The following HOMER2 variants were observed in gnomAD, a reference collection of about 807,000 sequenced individuals.
HOMER2 encodes the protein homer protein homolog 2.
A neutral mutation model predicts 47.0 loss-of-function variants in HOMER2; 27 were observed. That is an observed-to-expected ratio of 0.57 (90% CI 0.42 to 0.79). The LOEUF is 0.79. Among genes scored for constraint, HOMER2 ranks in the 30% least tolerant of loss-of-function variants. HOMER2 has a pLI of 0.00. For synonymous variants in HOMER2, 161 were observed against 163.8 expected (o/e 0.98, Z 0.13); for missense variants, 443 against 435.0 (o/e 1.02, Z -0.16).
At chr15:82,950,254 C>G (rs572318484) in intron 1 of HOMER2, among the ~76,000 whole-genome samples, 5 of 152,272 alleles carry the variant, frequency 3.3e-5, no homozygotes, top group African/African-American at 1.2e-4. Context: ...CACAAACTCA[C>G]TGGAGAGGCC....
exon 2 of HOMER2, chr15:82,843,406 T>G (rs2051196733): frequency 8.6e-6 from 1 of 116,314 alleles, no homozygotes; most frequent in Non-Finnish European, 1.6e-5. Context: ...ATCACGCCAC[T>G]GCACTCCAGC....
intron 1 of HOMER2, among the ~76,000 whole-genome samples, chr15:82,894,636 ACTC>A (rs2052843222): frequency 6.9e-6 from 1 of 145,426 alleles, no homozygotes; most frequent in African/African-American, 2.6e-5. Context: ...ACACCACTGC[ACTC>A]CAGCCTGGGC....
At chr15:82,858,674 TCACA>T (rs143184946) in intron 5 of HOMER2, among the ~76,000 whole-genome samples, 4 of 150,208 alleles carry the variant, frequency 2.7e-5, no homozygotes, top group African/African-American at 4.9e-5. Context: ...AGGGGTGCAT[TCACA>T]CACACACACA....
At chr15:82,843,948 T>C (rs536195847) in exon 2 of HOMER2, 1 of 152,202 alleles carries the variant, frequency 6.6e-6, no homozygotes, top group African/African-American at 2.4e-5. Context: ...TTTTTATTCA[T>C]GCTACCCGTC....
chr15:82,835,852 A>C (rs1025251862), downstream of HOMER2: 1 of 152,270 alleles, frequency 6.6e-6, no homozygotes, highest in African/African-American at 2.4e-5. Flanking sequence ...CTCAGCATCA[A>C]ACTTCCTAGG....
At chr15:82,911,643 TG>T (rs1211725185) in intron 1 of HOMER2, among the ~76,000 whole-genome samples, 1 of 152,236 alleles carries the variant, frequency 6.6e-6, no homozygotes, top group Non-Finnish European at 1.5e-5. Context: ...AATGGCTATA[TG>T]TGTGTGTTCC....
intron 1 of HOMER2, among the ~76,000 whole-genome samples, chr15:82,975,944 C>T (rs563471215): frequency 1.2e-4 from 18 of 151,980 alleles, no homozygotes; most frequent in Admixed American, 5.9e-4. Context: ...CATTGTGTGC[C>T]GGTATCAAAG....
intron 1 of HOMER2, among the ~76,000 whole-genome samples, chr15:82,963,012 G>T (rs1188631621): frequency 6.6e-6 from 1 of 152,156 alleles, no homozygotes. Flanking sequence ...GGGCACAGTA[G>T]CTCACACCTG....
chr15:82,855,325 C>CAAAAAA (rs1162254209), intron 5 of HOMER2, among the ~76,000 whole-genome samples: 670 of 61,468 alleles, frequency 0.011, 39 homozygotes, highest in African/African-American at 0.024. Context: ...ACTCCATCTC[C>CAAAAAA]AAAAAAAAAA....
At chr15:82,971,024 G>C (rs192926904) in intron 1 of HOMER2, among the ~76,000 whole-genome samples, 1 of 152,312 alleles carries the variant, frequency 6.6e-6, no homozygotes, top group East Asian at 1.9e-4. Flanking sequence ...CCAGACATAA[G>C]GAAGGGACTC....
chr15:82,928,654 G>C (rs1486224323), intron 1 of HOMER2, among the ~76,000 whole-genome samples: 1 of 152,002 alleles, frequency 6.6e-6, no homozygotes, highest in Non-Finnish European at 1.5e-5. Flanking sequence ...TTAATGGGTA[G>C]ACTTGCTCCA....
intron 1 of HOMER2, among the ~76,000 whole-genome samples, chr15:82,931,421 G>A (rs1260698873): frequency 6.6e-6 from 1 of 152,034 alleles, no homozygotes; most frequent in Non-Finnish European, 1.5e-5. Flanking sequence ...AGAAGCCAAG[G>A]AGTAGCTTTT....
At position 82,864,185 on chromosome 15, in the gene HOMER2, G is replaced by C. The variant is rs532229939; in HGVS notation, c.369C>G (p.Thr123=). 1 of 1,609,972 alleles carries C rather than the reference G, an allele frequency of 6.2e-7. No individual in the cohort carries two copies. The highest frequency in any genetic ancestry group is 8.5e-7 in the Non-Finnish European group (1 of 1,177,604). Residue 123 remains threonine (T), a synonymous_variant, in exon 4 of 9, where the codon ACC becomes ACG. Coordinates refer to ENST00000450735, the MANE Select transcript of HOMER2 (RefSeq NM_004839.4). The part of the protein sequence containing the change: ...AKDKTQEKIE[T]SSNHSQASSV... ...GTCTTACTTGGGAATGATTACTTGA[G>C]GTCTCGATTTTCTCCTGCGTCTTGT...
At chr15:82,878,132 T>C (rs1420045257) in intron 2 of HOMER2, among the ~76,000 whole-genome samples, 1 of 152,186 alleles carries the variant, frequency 6.6e-6, no homozygotes, top group East Asian at 1.9e-4. Context: ...GCTACTTCAC[T>C]GCAGGCCTAT....
exon 2 of HOMER2, chr15:82,841,535 GATATAT>G (rs752469758): frequency 4.1e-3 from 23 of 5,590 alleles, no homozygotes; most frequent in Non-Finnish European, 5.9e-3. Flanking sequence ...AAAAAAATTT[GATATAT>G]ATATATCAAA....
intron 1 of HOMER2, among the ~76,000 whole-genome samples, chr15:82,909,012 A>G (rs1452841604): frequency 6.6e-6 from 1 of 152,114 alleles, no homozygotes; most frequent in Non-Finnish European, 1.5e-5. Flanking sequence ...TGCAGAGAGA[A>G]AAGAGGAGAG....
chr15:82,963,384 T>G (rs1943102750), intron 1 of HOMER2, among the ~76,000 whole-genome samples: 3 of 152,108 alleles, frequency 2.0e-5, no homozygotes, highest in African/African-American at 7.2e-5. Flanking sequence ...GCCACCGCAC[T>G]GGGTCTGCCA....
At chr15:82,853,272 G>A (rs568508794) in intron 6 of HOMER2, among the ~76,000 whole-genome samples, 44 of 151,546 alleles carry the variant, frequency 2.9e-4, no homozygotes, top group Admixed American at 7.2e-4. Flanking sequence ...CCCCCGCACT[G>A]CTGCTGGCTA....
intron 3 of HOMER2, 135 bp downstream of exon 3, chr15:82,875,138 C>T (rs1184157096): frequency 7.9e-6 from 8 of 1,018,276 alleles, no homozygotes; most frequent in South Asian, 3.3e-5. Context: ...TTGGCAGCCC[C>T]GTGATGCCAG....
Sources: allele counts gnomAD v4.1 joint callset (sites outside exome capture counted in the v4.1 genomes callset), GRCh38; gene constraint gnomAD v4.1.1; transcripts MANE v1.5; gene names NCBI Gene and HGNC (gene_info 2026-07-23, HGNC 2026-07-21).